The following ZCCHC17 variants were observed in gnomAD, a reference collection of about 807,000 sequenced individuals.
ZCCHC17 encodes the protein zinc finger CCHC-type containing 17.
Under a neutral mutation model 30.6 loss-of-function variants are expected in ZCCHC17, and 18 were observed. That is an observed-to-expected ratio of 0.59 (90% CI 0.41 to 0.87). The LOEUF (loss-of-function observed/expected upper bound fraction) is 0.87. Ranked by LOEUF, ZCCHC17 falls within the 40% of genes least tolerant of loss-of-function variation. The pLI, the probability that ZCCHC17 is intolerant of heterozygous loss-of-function variation, is 0.00. For missense variants in ZCCHC17, 263 were observed against 284.2 expected (o/e 0.93, Z 0.54); for synonymous variants, 88 against 92.4 (o/e 0.95, Z 0.27).
chr1:31,327,363 C>G (rs898369789), intron 3 of ZCCHC17, among the ~76,000 whole-genome samples: 1 of 152,220 alleles, frequency 6.6e-6, no homozygotes, highest in African/African-American at 2.4e-5. Flanking sequence ...TGACCACCTA[C>G]TTAGGTTTGA....
chr1:31,338,349 G>A (rs1638902446), intron 4 of ZCCHC17, among the ~76,000 whole-genome samples: 1 of 151,934 alleles, frequency 6.6e-6, no homozygotes, highest in Non-Finnish European at 1.5e-5. Context: ...AAACACTATT[G>A]GAAGAAGATT....
At chr1:31,306,019 C>T (rs1646447003) in intron 1 of ZCCHC17, among the ~76,000 whole-genome samples, 1 of 152,070 alleles carries the variant, frequency 6.6e-6, no homozygotes, top group Admixed American at 6.6e-5. Flanking sequence ...TATTTTCTAC[C>T]CACAAATTTA....
intron 3 of ZCCHC17, among the ~76,000 whole-genome samples, chr1:31,326,138 T>C (rs1638334466): frequency 6.6e-6 from 1 of 152,228 alleles, no homozygotes; most frequent in South Asian, 2.1e-4. Flanking sequence ...TTTCTTTATA[T>C]AGTTTAAATT....
At chr1:31,332,084 C>A (rs1033197533) in intron 3 of ZCCHC17, among the ~76,000 whole-genome samples, 3 of 152,254 alleles carry the variant, frequency 2.0e-5, no homozygotes, top group Admixed American at 1.3e-4. Context: ...AGCTAGTTTA[C>A]CTAGATGAGG....
intron 2 of ZCCHC17, among the ~76,000 whole-genome samples, chr1:31,314,856 G>A (rs1646693554): frequency 6.6e-6 from 1 of 152,046 alleles, no homozygotes; most frequent in African/African-American, 2.4e-5. Flanking sequence ...TAGTAGAGAT[G>A]GGTTTTCACC....
chr1:31,363,760 C>T (rs1220338709), intron 7 of ZCCHC17, among the ~76,000 whole-genome samples: 1 of 152,144 alleles, frequency 6.6e-6, no homozygotes, highest in African/African-American at 2.4e-5. Context: ...GCACTCTAGC[C>T]TGGGCAACAG....
At chr1:31,345,339 G>C (rs1248187898) in intron 5 of ZCCHC17, among the ~76,000 whole-genome samples, 1 of 150,838 alleles carries the variant, frequency 6.6e-6, no homozygotes, top group Non-Finnish European at 1.5e-5. Context: ...TGTATTTTTA[G>C]TAGAGACAGG....
intron 5 of ZCCHC17, among the ~76,000 whole-genome samples, chr1:31,344,741 G>A (rs1639176424): frequency 6.6e-6 from 1 of 152,218 alleles, no homozygotes; most frequent in African/African-American, 2.4e-5. Flanking sequence ...GGTTGCTTAA[G>A]CTGCAACTCA....
At chr1:31,301,184 C>T (rs11576603) in intron 1 of ZCCHC17, among the ~76,000 whole-genome samples, 68,111 of 152,040 alleles carry the variant, frequency 0.45, 18,759 homozygotes, top group Non-Finnish European at 0.62. Context: ...AAATTAAATA[C>T]TTCACTATTT....
At chr1:31,316,104 C>CTTAT (rs890285763) in intron 2 of ZCCHC17, among the ~76,000 whole-genome samples, 3 of 151,884 alleles carry the variant, frequency 2.0e-5, no homozygotes, top group Admixed American at 6.6e-5. Flanking sequence ...TATTTATTCA[C>CTTAT]TTATTTATTT....
chr1:31,348,986 T>C lies in ZCCHC17; in HGVS notation c.564+12T>C. 1.3e-6 allele frequency: 2 copies of C among 1,553,392 alleles called. No homozygotes were observed. Among genetic ancestry groups the C allele is most frequent in the Non-Finnish European group, 1.7e-6 (2 of 1,156,556 alleles). On this transcript the variant is annotated intron_variant, in intron 7 of 7. Coordinates refer to ENST00000344147, the MANE Select transcript of ZCCHC17 (RefSeq NM_016505.4). ...GAAAAAGAAAGAAGGTGAATGCTACTTTGCTTTTATTTTATCATGTCTTTT... is the reference window on the plus strand; with the variant it reads ...GAAAAAGAAAGAAGGTGAATGCTACCTTGCTTTTATTTTATCATGTCTTTT...
At chr1:31,360,255 C>T (rs1394945584) in intron 7 of ZCCHC17, among the ~76,000 whole-genome samples, 4 of 151,998 alleles carry the variant, frequency 2.6e-5, no homozygotes, top group East Asian at 1.9e-4. Context: ...CCAAAACCTC[C>T]GCCTCCCACG....
chr1:31,346,934 GC>G, intron 6 of ZCCHC17, 194 bp downstream of exon 6: 1 of 1,260,446 alleles, frequency 7.9e-7, no homozygotes, highest in South Asian at 1.5e-5. Context: ...CTGAGTGCTG[GC>G]CCTACCAGAT....
intron 3 of ZCCHC17, among the ~76,000 whole-genome samples, chr1:31,323,415 G>C (rs1360045726): frequency 6.6e-6 from 1 of 151,934 alleles, no homozygotes; most frequent in East Asian, 1.9e-4. Context: ...TCCACCTCCT[G>C]GGTTCACGCC....
chr1:31,346,596 A>C, intron 5 of ZCCHC17, 44 bp from the exon 6 acceptor site: 1 of 1,554,394 alleles, frequency 6.4e-7, no homozygotes, highest in Non-Finnish European at 8.7e-7. Context: ...ATCTCTGGCC[A>C]TATCTCTTAA....
rs144774588 is a variant in ZCCHC17 at position 31,349,131 on chromosome 1, G to A, written c.564+157G>A. On this transcript the variant is annotated intron_variant, in intron 7 of 7. Transcript: ENST00000344147. ...GGCCAGAAGTTTAAGGCTGCGGTGC[G>A]CTATGATTATGCCTGTGAATAGCCA... 6.3e-4 allele frequency among the ~76,000 whole-genome samples: 96 copies of A among 152,020 alleles called. No individual in the cohort carries two copies. The East Asian group carries it at 0.017, about 27-fold the overall frequency.
At chr1:31,301,771 C>A (rs1480441112) in intron 1 of ZCCHC17, among the ~76,000 whole-genome samples, 1 of 152,066 alleles carries the variant, frequency 6.6e-6, no homozygotes, top group African/African-American at 2.4e-5. Context: ...TTTCTGAGTT[C>A]ATCTTTTGTG....
chr1:31,299,435 A>AAT (rs1368246069), intron 1 of ZCCHC17, among the ~76,000 whole-genome samples: 1 of 152,234 alleles, frequency 6.6e-6, no homozygotes, highest in African/African-American at 2.4e-5. Context: ...TCTAACCTCT[A>AAT]ATATGTCTTC....
intron 2 of ZCCHC17, chr1:31,318,311 C>G (rs1646783302): frequency 1.6e-6 from 2 of 1,262,916 alleles, no homozygotes. Context: ...CAACATTACC[C>G]TCGATCCACA....
Sources: gnomAD v4.1 joint callset for allele counts (sites outside exome capture counted in the v4.1 genomes callset) on GRCh38, gnomAD v4.1.1 for gene constraint, MANE v1.5 for transcripts, NCBI Gene and HGNC (gene_info 2026-07-23, HGNC 2026-07-21) for gene names.